ASTN2: variants seen among roughly 807,000 people sequenced by gnomAD.
ASTN2 encodes astrotactin 2.
In ASTN2, 54 loss-of-function variants were observed where a neutral mutation model predicts 139.8. The observed-to-expected ratio is 0.39, with a 90% CI of 0.31 to 0.48. The LOEUF (loss-of-function observed/expected upper bound fraction) is 0.48. Among genes scored for constraint, ASTN2 ranks in the 20% least tolerant of loss-of-function variants. ASTN2 has a pLI of 0.95. For missense variants in ASTN2, 1,565 were observed against 1,725.1 expected, an observed-to-expected ratio of 0.91 and a Z score of 1.64; for synonymous variants, 756 against 719.5, an observed-to-expected ratio of 1.05 and a Z score of -0.81.
intron 22 of ASTN2, among the ~76,000 whole-genome samples, chr9:116,426,597 C>T (rs751208122): frequency 2.6e-5 from 4 of 152,190 alleles, no homozygotes; most frequent in Non-Finnish European, 5.9e-5. Context: ...AACATCGAGT[C>T]AGCCACTGGA....
intron 3 of ASTN2, among the ~76,000 whole-genome samples, chr9:117,192,734 G>A (rs1207391672): frequency 1.3e-5 from 2 of 152,200 alleles, no homozygotes; most frequent in Non-Finnish European, 2.9e-5. Flanking sequence ...GATAAATACA[G>A]TGTGGCAAAA....
intron 2 of ASTN2, among the ~76,000 whole-genome samples, chr9:117,275,517 T>G (rs1220801342): frequency 1.3e-5 from 2 of 152,002 alleles, no homozygotes; most frequent in African/African-American, 2.4e-5. Flanking sequence ...CCCATGGCCC[T>G]TTCTCTGCTG....
At chr9:116,995,739 A>G (rs1443866190) in intron 7 of ASTN2, among the ~76,000 whole-genome samples, 1 of 152,224 alleles carries the variant, frequency 6.6e-6, no homozygotes, top group Non-Finnish European at 1.5e-5. Flanking sequence ...AAATCCATTA[A>G]CTGTGATTTA....
rs1837698465 is a variant in ASTN2 at position 117,016,631 on chromosome 9, T to TGTTAC, written c.1424-8373_1424-8372insGTAAC. Among the ~76,000 whole-genome samples the TGTTAC allele has an allele frequency of 4.0e-4, 7 of 17,670 alleles. No homozygotes were observed. In the South Asian group the frequency reaches 5.2e-3, roughly 13 times the overall value. The allele number at this position is 17,670 out of a possible 152,430, so 11.6% of individuals were successfully genotyped here. A position where few individuals can be genotyped will look rare whatever the true frequency, so the allele number is the denominator to read the frequency against. On this transcript the variant is annotated intron_variant, in intron 6 of 22. Coordinates refer to ENST00000313400, the MANE Select transcript of ASTN2 (RefSeq NM_001365068.1). ...ATATCTATATCTATCTATCTATATA[T>TGTTAC]ATATATATATATATATATATATATA...
intron 4 of ASTN2, among the ~76,000 whole-genome samples, chr9:117,104,345 G>C (rs1587967578): frequency 6.6e-6 from 1 of 151,974 alleles, no homozygotes; most frequent in Non-Finnish European, 1.5e-5. Flanking sequence ...CTAAATTATA[G>C]ACATACAAAC....
rs117179525 is a variant in ASTN2, at chr9:117,015,774, T to C, written c.1424-7515A>G. 2.1e-3 allele frequency among the ~76,000 whole-genome samples: 324 copies of C among 152,302 alleles called. 2 individuals carry two copies. Among genetic ancestry groups the C allele is most frequent in the South Asian group, 6.9e-3 (33 of 4,816 alleles). ...TAATTTTACATGAAAGTACTTTTTT[T>C]TTCATGCTCTGAAGAAGATAGCAAC... On this transcript the variant is annotated intron_variant, in intron 6 of 22. Coordinates refer to ENST00000313400, the MANE Select transcript of ASTN2 (RefSeq NM_001365068.1).
rs1019692959 is a variant in ASTN2, at chr9:116,694,644, T to G, written c.2806+31127A>C. The stretch of plus-strand genomic sequence containing the variant: ...CCCAGCTAATTTTTTTTTTTTTTTT[T>G]GTATTTTTAGTAGAGACGGAGTTTC... On this transcript the variant is annotated intron_variant, in intron 16 of 22. Coordinates refer to ENST00000313400, the MANE Select transcript of ASTN2 (RefSeq NM_001365068.1). 8.6e-4 allele frequency among the ~76,000 whole-genome samples: 106 copies of G among 123,352 alleles called. 1 individual carries two copies. Among genetic ancestry groups the G allele is most frequent in the African/African-American group, 3.1e-3 (102 of 32,722 alleles). The allele number at this position is 123,352 out of a possible 152,430, so 80.9% of individuals were successfully genotyped here.
In ASTN2 at chr9:117,016,751, T is replaced by TA. The variant is rs1564386239; in HGVS notation, c.1424-8493_1424-8492insT. 1.3e-3 allele frequency among the ~76,000 whole-genome samples: 48 copies of TA among 37,250 alleles called. 1 individual carries two copies. Among genetic ancestry groups the TA allele is most frequent in the East Asian group, 4.8e-3 (9 of 1,894 alleles). 24.4% of individuals were successfully genotyped at this position (37,250 alleles called of 152,430 possible). A position where few individuals can be genotyped will look rare whatever the true frequency, so the allele number is the denominator to read the frequency against. On this transcript the variant is annotated intron_variant, in intron 6 of 22. Coordinates refer to ENST00000313400, the MANE Select transcript of ASTN2 (RefSeq NM_001365068.1). ...TTATATATATAGGTTATATATAGGT[T>TA]TTATATATAGGTTATATATAGGTTT...
intron 2 of ASTN2, among the ~76,000 whole-genome samples, chr9:117,282,993 T>G (rs1260815984): frequency 6.6e-6 from 1 of 152,104 alleles, no homozygotes; most frequent in Non-Finnish European, 1.5e-5. Flanking sequence ...TTTTTTTTTT[T>G]TTTTGGAAAC....
chr9:116,552,425 G>A (rs1335161824), intron 19 of ASTN2, among the ~76,000 whole-genome samples: 1 of 152,178 alleles, frequency 6.6e-6, no homozygotes, highest in South Asian at 2.1e-4. Flanking sequence ...AACAGGTAAA[G>A]GTAAAACATT....
chr9:116,745,844 CT>C (rs1269272515), intron 13 of ASTN2, among the ~76,000 whole-genome samples: 26 of 152,314 alleles, frequency 1.7e-4, no homozygotes, highest in Non-Finnish European at 3.2e-4. Flanking sequence ...TCTATTGCAG[CT>C]GTAAAACATC....
chr9:117,127,549 C>T (rs1253262696), intron 4 of ASTN2, among the ~76,000 whole-genome samples: 1 of 151,692 alleles, frequency 6.6e-6, no homozygotes, highest in Non-Finnish European at 1.5e-5. Flanking sequence ...GCACTGAGAA[C>T]AGCAGATTTT....
intron 19 of ASTN2, among the ~76,000 whole-genome samples, chr9:116,564,017 C>CA (rs1406363713): frequency 2.0e-5 from 3 of 152,204 alleles, no homozygotes; most frequent in Non-Finnish European, 2.9e-5. Context: ...AAACTCTTTG[C>CA]AAAGCACATG....
Position 116,875,305 on chromosome 9 carries a change from GT to G in ASTN2, c.1890-11573del, listed in dbSNP as rs1194623555. ...TTCTGTTATGGAGAATGTTTTAGAG[GT>G]GTGGATAAATTAAACCAGCTACAAT... is the stretch of plus-strand genomic sequence containing the variant. On this transcript the variant is annotated intron_variant, in intron 10 of 22. Coordinates refer to ENST00000313400, the MANE Select transcript of ASTN2 (RefSeq NM_001365068.1). 2.6e-5 allele frequency among the ~76,000 whole-genome samples: 4 copies of G among 152,310 alleles called. No homozygotes were observed. The East Asian group carries it at 7.7e-4, about 29-fold the overall frequency.
intron 20 of ASTN2, among the ~76,000 whole-genome samples, chr9:116,449,480 G>C (rs907294991): frequency 6.6e-6 from 1 of 152,164 alleles, no homozygotes; most frequent in African/African-American, 2.4e-5. Context: ...GAGGAATAAA[G>C]TTTATGAAAC....
chr9:117,321,187 T>C (rs765640714), intron 1 of ASTN2, among the ~76,000 whole-genome samples: 3 of 152,222 alleles, frequency 2.0e-5, no homozygotes, highest in Non-Finnish European at 4.4e-5. Context: ...GTGGCTGTCA[T>C]ACAGCGGGTG....
intron 19 of ASTN2, among the ~76,000 whole-genome samples, chr9:116,565,388 C>CTCTCTCTCTCTCTATATAT (rs1564120372): frequency 2.9e-5 from 1 of 34,020 alleles, no homozygotes; most frequent in African/African-American, 1.4e-4. Context: ...TCTCTCTCTC[C>CTCTCTCTCTCTCTATATAT]ATATATATAT....
chr9:116,570,971 TC>T (rs774272122), intron 19 of ASTN2, among the ~76,000 whole-genome samples: 46 of 152,344 alleles, frequency 3.0e-4, no homozygotes, highest in Non-Finnish European at 5.3e-4. Context: ...AGGAGATACA[TC>T]CTGAGAGTTT....
intron 19 of ASTN2, chr9:116,582,869 T>C (rs1050221703): frequency 6.6e-6 from 1 of 152,220 alleles, no homozygotes; most frequent in Non-Finnish European, 1.5e-5. Flanking sequence ...GCTTAGCCTG[T>C]TTTCTTATCC....
Sources: gnomAD v4.1 joint callset for allele counts (sites outside exome capture counted in the v4.1 genomes callset) on GRCh38, gnomAD v4.1.1 for gene constraint, MANE v1.5 for transcripts, NCBI Gene and HGNC (gene_info 2026-07-23, HGNC 2026-07-21) for gene names.